Variants in TUT7 observed in about 807,000 individuals in gnomAD.
TUT7 encodes terminal uridylyltransferase 7.
A neutral mutation model predicts 165.9 loss-of-function variants in TUT7; 33 were observed. The observed-to-expected ratio is 0.20, with a 90% CI of 0.15 to 0.27. TUT7 has a LOEUF of 0.27. Among genes scored for constraint, TUT7 ranks in the 10% least tolerant of loss-of-function variants. The pLI is 1.00. For synonymous variants in TUT7, 552 were observed against 608.1 expected, an observed-to-expected ratio of 0.91 and a Z score of 1.36; for missense variants, 1,338 against 1,762.3, an observed-to-expected ratio of 0.76 and a Z score of 4.31.
rs1331042729 is a variant in TUT7 at position 86,288,122 on chromosome 9, A to G, written c.*555T>C. 6.6e-6 allele frequency: 1 copy of G among 152,272 alleles called. No homozygotes were observed. The highest frequency in any genetic ancestry group is 1.5e-5 in the Non-Finnish European group (1 of 68,078). 9.4% of individuals were successfully genotyped at this position (152,272 alleles called of 1,614,324 possible). A position where few individuals can be genotyped will look rare whatever the true frequency, so the allele number is the denominator to read the frequency against. On this transcript the variant is annotated 3_prime_UTR_variant, in exon 27 of 27. Transcript: ENST00000375963. ...CCTGAGTGGCACTGCCCATCCACTG[A>G]AGGCCCACATAAATAGGTACTCATG... is the stretch of plus-strand genomic sequence containing the variant.
rs1307234433 is a variant in TUT7, at chr9:86,301,378, A to G, written c.4318T>C (p.Trp1440Arg). The G allele has an allele frequency of 6.2e-7, 1 of 1,613,868 alleles. No individual in the cohort carries two copies. ...EKILRPPVEK[W>R]KRQDDKDLRE... ...AAGTCTTTGTCATCCTGTCTCTTCC[A>G]TTTTTCTACTGGTGGCCTGAGGATC... Residue 1440 changes from tryptophan to arginine, a missense_variant, in exon 26 of 27, where the codon TGG becomes CGG. By Grantham distance (101) the Trp-to-Arg change is moderately radical. Coordinates refer to ENST00000375963, the MANE Select transcript of TUT7 (RefSeq NM_024617.4).
chr9:86,345,653 G>C lies in TUT7; in HGVS notation c.819+16C>G. ...CTAACAAGTAAGCAGACTTGTTTGG[G>C]TTACATTCAATTTACCTTAATGTTT... On this transcript the variant is annotated intron_variant, in intron 4 of 26. Coordinates refer to ENST00000375963, the MANE Select transcript of TUT7 (RefSeq NM_024617.4). The C allele has an allele frequency of 1.3e-6, 2 of 1,566,230 alleles. No homozygotes were observed. Among genetic ancestry groups the C allele is most frequent in the South Asian group, 1.1e-5 (1 of 89,136 alleles).
At chr9:86,348,540 C>T (rs749645809) in intron 2 of TUT7, among the ~76,000 whole-genome samples, 2 of 151,902 alleles carry the variant, frequency 1.3e-5, no homozygotes, top group African/African-American at 4.8e-5. Flanking sequence ...ACTGCTTGAG[C>T]TCAGAAGTTC....
chr9:86,297,378 G>A (rs1286475458), intron 26 of TUT7, among the ~76,000 whole-genome samples: 1 of 152,194 alleles, frequency 6.6e-6, no homozygotes, highest in Non-Finnish European at 1.5e-5. Context: ...GAGGCATATG[G>A]AGGATAAGGC....
At chr9:86,299,168 A>T (rs1250925305) in intron 26 of TUT7, among the ~76,000 whole-genome samples, 1 of 152,128 alleles carries the variant, frequency 6.6e-6, no homozygotes, top group African/African-American at 2.4e-5. Context: ...GATGACAGAC[A>T]CGCCTCCTTC....
intron 26 of TUT7, among the ~76,000 whole-genome samples, chr9:86,296,481 G>A (rs1370092338): frequency 6.6e-6 from 1 of 152,174 alleles, no homozygotes; most frequent in Non-Finnish European, 1.5e-5. Flanking sequence ...GGACATTCAT[G>A]GGATTTTCTA....
intron 14 of TUT7, 98 bp downstream of exon 14, chr9:86,322,227 A>G: frequency 1.8e-6 from 2 of 1,117,916 alleles, no homozygotes; most frequent in Non-Finnish European, 2.6e-6. Context: ...CTTGGTCCCT[A>G]ATAATGTTTA....
intron 8 of TUT7, 69 bp from the exon 9 acceptor site, chr9:86,339,018 T>C: frequency 1.5e-6 from 2 of 1,361,080 alleles, no homozygotes; most frequent in Non-Finnish European, 1.9e-6. Flanking sequence ...TCTCAAAGTG[T>C]CTTTTATGCC....
intron 19 of TUT7, 139 bp downstream of exon 19, chr9:86,309,789 T>C (rs998883077): frequency 2.1e-6 from 2 of 966,312 alleles, no homozygotes; most frequent in Non-Finnish European, 3.1e-6. Flanking sequence ...AAATTTTAGC[T>C]TTCTTCATAG....
Position 86,346,204 on chromosome 9 carries a change from A to G in TUT7, c.702+95T>C, listed in dbSNP as rs533955522. On this transcript the variant is annotated intron_variant, in intron 3 of 26. Coordinates refer to ENST00000375963, the MANE Select transcript of TUT7 (RefSeq NM_024617.4). ...CTTAAATACTGATAACCAAAGTAGG[A>G]TATCTAATTGATCAGAGCATGCATA... 3 of 1,163,966 alleles carry G rather than the reference A, an allele frequency of 2.6e-6. No homozygotes were observed. The South Asian group carries it at 4.6e-5, about 18-fold the overall frequency. 72.1% of individuals were successfully genotyped at this position (1,163,966 alleles called of 1,614,324 possible).
chr9:86,340,927 T>C, intron 7 of TUT7, 75 bp downstream of exon 7: 3 of 1,181,074 alleles, frequency 2.5e-6, no homozygotes, highest in Middle Eastern at 2.3e-4. Context: ...CTTGCTATTT[T>C]CAAAGTTTGA....
At chr9:86,343,488 T>C (rs115172592) in intron 5 of TUT7, among the ~76,000 whole-genome samples, 3,076 of 152,298 alleles carry the variant, frequency 0.02, 113 homozygotes, top group African/African-American at 0.067. Context: ...GAAAATACTA[T>C]TTAAAATATT....
At chr9:86,293,442 A>C (rs1826045725) in intron 26 of TUT7, among the ~76,000 whole-genome samples, 1 of 152,156 alleles carries the variant, frequency 6.6e-6, no homozygotes, top group South Asian at 2.1e-4. Context: ...AGACCCTGTC[A>C]AGAATACTCC....
intron 16 of TUT7, among the ~76,000 whole-genome samples, chr9:86,317,698 A>C (rs898365130): frequency 6.6e-6 from 1 of 152,214 alleles, no homozygotes; most frequent in African/African-American, 2.4e-5. Context: ...AGAGTTGATG[A>C]ATTGCTGTGG....
chr9:86,314,024 C>T (rs560495494), intron 17 of TUT7, among the ~76,000 whole-genome samples: 3 of 152,302 alleles, frequency 2.0e-5, no homozygotes, highest in Non-Finnish European at 2.9e-5. Context: ...TTGCACTTTA[C>T]GTATTATCTT....
Position 86,317,762 on chromosome 9 carries a change from A to G in TUT7, c.3217-486T>C, listed in dbSNP as rs1697900053. Among the ~76,000 whole-genome samples, 2 of 152,230 alleles carry G rather than the reference A, an allele frequency of 1.3e-5. 1 individual carries two copies. The highest frequency in any genetic ancestry group is 4.1e-4 in the South Asian group (2 of 4,832). ...ATAGGACTAGCCAGAATTATAATGC[A>G]TATAACTAAAGTCATACAGCAAATA... On this transcript the variant is annotated intron_variant, in intron 16 of 26. Transcript: ENST00000375963.
chr9:86,345,808 T>G lies in TUT7; in HGVS notation c.703-23A>C, dbSNP rs370395715. 12 of 1,507,996 alleles carry G rather than the reference T, an allele frequency of 8.0e-6. No homozygotes were observed. In the African/African-American group the frequency reaches 1.4e-4, roughly 17 times the overall value. 93.4% of individuals were successfully genotyped at this position (1,507,996 alleles called of 1,614,324 possible). On this transcript the variant is annotated intron_variant, in intron 3 of 26. Coordinates refer to ENST00000375963, the MANE Select transcript of TUT7 (RefSeq NM_024617.4). ...TCGCTATAATTTGAAGAGATTTATTTAGAGAGAGACATAAGTAAAACCAAA... is the reference window on the plus strand; with the variant it reads ...TCGCTATAATTTGAAGAGATTTATTGAGAGAGAGACATAAGTAAAACCAAA...
In TUT7 at chr9:86,346,408, T is replaced by C; in HGVS notation, c.593A>G (p.Asp198Gly). 6.2e-7 allele frequency: 1 copy of C among 1,614,116 alleles called. No homozygotes were observed. The highest frequency in any genetic ancestry group is 8.5e-7 in the Non-Finnish European group (1 of 1,179,990). The part of the protein sequence containing the change: ...TRNEENEQDG[D>G]LEGPVIDESV... ...CTCATCGATCACAGGGCCTTCCAAGTCTCCATCCTGCTCATTTTCCTCATT... is the reference window on the plus strand; with the variant it reads ...CTCATCGATCACAGGGCCTTCCAAGCCTCCATCCTGCTCATTTTCCTCATT... Residue 198 changes from aspartate (D) to glycine (G), a missense_variant, in exon 3 of 27, where the codon GAC becomes GGC. Physicochemically the swap from Asp to Gly is moderately conservative, Grantham distance 94. Transcript: ENST00000375963.
At chr9:86,337,636 C>T (rs1587986117) in intron 9 of TUT7, 98 bp from the exon 10 acceptor site, 1 of 1,369,258 alleles carries the variant, frequency 7.3e-7, no homozygotes, top group Middle Eastern at 1.9e-4. Flanking sequence ...TTGTTTACTA[C>T]ATGATTTACG....
Sources: allele counts gnomAD v4.1 joint callset (sites outside exome capture counted in the v4.1 genomes callset), GRCh38; gene constraint gnomAD v4.1.1; transcripts MANE v1.5; gene names NCBI Gene and HGNC (gene_info 2026-07-23, HGNC 2026-07-21).